The following WDR43 variants were observed in gnomAD, a reference collection of about 807,000 sequenced individuals.
WDR43 encodes WD repeat domain 43.
A neutral mutation model predicts 91.4 loss-of-function variants in WDR43; 13 were observed. That is an observed-to-expected ratio of 0.14 (90% CI 0.09 to 0.23). The LOEUF is 0.23. Among genes scored for constraint, WDR43 ranks in the 10% least tolerant of loss-of-function variants. The pLI is 1.00. For missense variants in WDR43, 780 were observed against 809.4 expected, an observed-to-expected ratio of 0.96 and a Z score of 0.44; for synonymous variants, 331 against 287.9, an observed-to-expected ratio of 1.15 and a Z score of -1.51.
intron 16 of WDR43, among the ~76,000 whole-genome samples, chr2:28,945,771 C>T (rs943509111): frequency 2.6e-5 from 4 of 152,112 alleles, no homozygotes; most frequent in African/African-American, 9.7e-5. Context: ...TTTGTTTTAA[C>T]GTTTGCATGT....
chr2:28,895,073 A>G, intron 1 of WDR43, 150 bp downstream of exon 1: 7 of 742,488 alleles, frequency 9.4e-6, no homozygotes, highest in Non-Finnish European at 1.3e-5. Flanking sequence ...TCAGGGCCCA[A>G]GCCGCCAGCC....
chr2:28,942,179 T>G, intron 15 of WDR43, 133 bp from the exon 16 acceptor site: 2 of 771,678 alleles, frequency 2.6e-6, no homozygotes, highest in Non-Finnish European at 4.4e-6. Flanking sequence ...CTCTGTATTG[T>G]ATGAAGGTCC....
At position 28,929,653 on chromosome 2, in the gene WDR43, T is replaced by C. The variant is rs377270849; in HGVS notation, c.1380T>C (p.Asn460=). The C allele has an allele frequency of 6.2e-7, 1 of 1,613,770 alleles. No homozygotes were observed. Among genetic ancestry groups the C allele is most frequent in the Non-Finnish European group, 8.5e-7 (1 of 1,179,824 alleles). Residue 460 remains asparagine, a synonymous_variant, in exon 11 of 18, where the codon AAT becomes AAC. Coordinates refer to ENST00000407426, the MANE Select transcript of WDR43 (RefSeq NM_015131.3). The part of the protein sequence containing the change: ...HKKGKEDLQT[N]SFPVLLTQGL... ...AAGGAAAGGAAGACCTCCAGACGAATAGCTTTCCAGTTCTTCTTACCCAGG... is the reference window on the plus strand; with the variant it reads ...AAGGAAAGGAAGACCTCCAGACGAACAGCTTTCCAGTTCTTCTTACCCAGG...
chr2:28,906,434 A>ATTT, intron 2 of WDR43, 26 bp from the exon 3 acceptor site: 18 of 1,401,260 alleles, frequency 1.3e-5, no homozygotes, highest in Middle Eastern at 1.9e-4. Flanking sequence ...CCAGCCTTAA[A>ATTT]TTTTTTTTTT....
Position 28,906,598 on chromosome 2 carries a change from G to C in WDR43, c.485+17G>C. The C allele has an allele frequency of 6.2e-7, 1 of 1,608,046 alleles. No homozygotes were observed. Among genetic ancestry groups the C allele is most frequent in the Non-Finnish European group, 8.5e-7 (1 of 1,176,918 alleles). The stretch of plus-strand genomic sequence containing the variant: ...AGTAAAGTGGTGAGTAACATTCATG[G>C]TATCAGGAAATGCAATAGACGTGGA... On this transcript the variant is annotated intron_variant, in intron 3 of 17. Transcript: ENST00000407426.
At chr2:28,898,513 C>G (rs73920396) in intron 1 of WDR43, among the ~76,000 whole-genome samples, 5,813 of 152,128 alleles carry the variant, frequency 0.038, 369 homozygotes, top group African/African-American at 0.13. Context: ...ACATTTTGTT[C>G]ACTGTTATCT....
Position 28,914,137 on chromosome 2 carries a change from C to G in WDR43, c.675C>G (p.Ser225Arg), listed in dbSNP as rs1670860156. Residue 225 changes from serine to arginine, a missense_variant, in exon 5 of 18, where the codon AGC (serine) becomes AGG (arginine). Around this residue, in one of 4 missense-constraint regions of WDR43, gnomAD observed 174 missense variants for 207.3 expected, o/e 0.84. Transcript: ENST00000407426. ...CTACCATCAGACCTCCTAATGAGAG[C>G]CAGCCCTTTGATGGAATTACAGGTC... ...MFTTIRPPNE[S>R]QPFDGITGLY... 3 of 1,613,954 alleles carry G rather than the reference C, an allele frequency of 1.9e-6. No homozygotes were observed. The highest frequency in any genetic ancestry group is 2.5e-6 in the Non-Finnish European group (3 of 1,179,876).
chr2:28,930,735 G>A (rs1671222665), intron 11 of WDR43, among the ~76,000 whole-genome samples: 1 of 152,122 alleles, frequency 6.6e-6, no homozygotes, highest in Non-Finnish European at 1.5e-5. Flanking sequence ...AATGAATCAA[G>A]TACAAATTTT....
intron 8 of WDR43, 49 bp downstream of exon 8, chr2:28,925,202 A>G (rs1671105965): frequency 5.5e-6 from 8 of 1,467,806 alleles, no homozygotes; most frequent in Non-Finnish European, 7.3e-6. Flanking sequence ...CCCTGTGTCC[A>G]TGGAAGAGAG....
chr2:28,930,374 G>A (rs1671217465), intron 11 of WDR43, among the ~76,000 whole-genome samples: 2 of 152,180 alleles, frequency 1.3e-5, no homozygotes, highest in Admixed American at 6.5e-5. Flanking sequence ...AGTACTGCCT[G>A]ATCAGATTAA....
intron 8 of WDR43, among the ~76,000 whole-genome samples, chr2:28,925,463 C>T (rs1381417967): frequency 1.3e-5 from 2 of 152,170 alleles, no homozygotes; most frequent in East Asian, 3.9e-4. Flanking sequence ...ATTTCAAGTG[C>T]TCAGTGCCAC....
chr2:28,906,144 A>G (rs980495466), intron 2 of WDR43, among the ~76,000 whole-genome samples: 1 of 151,860 alleles, frequency 6.6e-6, no homozygotes, highest in Non-Finnish European at 1.5e-5. Flanking sequence ...AAATATATTC[A>G]TTTTCATTTG....
In WDR43 at chr2:28,943,424, C is replaced by T. The variant is rs561532862; in HGVS notation, c.1804+1043C>T. 3.3e-5 allele frequency among the ~76,000 whole-genome samples: 5 copies of T among 152,278 alleles called. No homozygotes were observed. The East Asian group carries it at 9.6e-4, about 29-fold the overall frequency. On this transcript the variant is annotated intron_variant, in intron 16 of 17. Coordinates refer to ENST00000407426, the MANE Select transcript of WDR43 (RefSeq NM_015131.3). ...GTGCTGGGAATAGAAGCATGACCCA[C>T]AACACTGGGCTGTCCTTTTTGTCAT...
chr2:28,929,935 A>G, intron 11 of WDR43: 1 of 588,628 alleles, frequency 1.7e-6, no homozygotes, highest in Non-Finnish European at 3.1e-6. Flanking sequence ...GCATTTTCTC[A>G]TAGAAATACT....
chr2:28,901,999 A>C lies in WDR43; in HGVS notation c.238A>C (p.Arg80=). 6.3e-7 allele frequency: 1 copy of C among 1,591,536 alleles called. No homozygotes were observed. The highest frequency in any genetic ancestry group is 8.5e-7 in the Non-Finnish European group (1 of 1,174,620). The change falls in exon 2 of 18, where the codon AGG becomes CGG. Residue 80 remains arginine, a synonymous_variant. Coordinates refer to ENST00000407426, the MANE Select transcript of WDR43 (RefSeq NM_015131.3). ...TCTTTTTTTCCAGGAAAGTCCCCAG[A>C]GGAAAAAAAGGAAATCAGAAGCTGT... ...ARLQAKESPQ[R]KKRKSEAVGM... is the part of the protein sequence containing the mutation.
intron 8 of WDR43, 140 bp downstream of exon 8, chr2:28,925,293 T>A: frequency 1.1e-6 from 1 of 927,232 alleles, no homozygotes; most frequent in Non-Finnish European, 1.5e-6. Flanking sequence ...ATGGAGTGGT[T>A]TATTTTAATT....
At chr2:28,920,547 T>TTG (rs1476500687) in intron 6 of WDR43, among the ~76,000 whole-genome samples, 5 of 151,914 alleles carry the variant, frequency 3.3e-5, no homozygotes, top group African/African-American at 1.2e-4. Flanking sequence ...AAACCTTTAT[T>TTG]TGTGTGTGTG....
intron 9 of WDR43, 65 bp from the exon 10 acceptor site, chr2:28,927,504 T>C: frequency 1.3e-6 from 2 of 1,566,970 alleles, no homozygotes; most frequent in Non-Finnish European, 1.7e-6. Flanking sequence ...TGTTTTCTCA[T>C]TGAGGATACT....
Position 28,926,544 on chromosome 2 carries a change from C to T in WDR43, c.1163C>T (p.Ala388Val). 1 of 1,592,640 alleles carries T rather than the reference C, an allele frequency of 6.3e-7. No individual in the cohort carries two copies. The highest frequency in any genetic ancestry group is 8.6e-7 in the Non-Finnish European group (1 of 1,168,240). The change falls in exon 9 of 18, where the codon GCT becomes GTT. Residue 388 changes from alanine (A) to valine (V), a missense_variant. This residue lies in a region of WDR43 where 426 missense variants were observed against 467.8 expected (regional missense o/e 0.91). Transcript: ENST00000407426. Reference protein sequence around the residue: ...SNCWAPKVETAITKVRTPVMN... With the variant: ...SNCWAPKVETVITKVRTPVMN... ...TGCTGGGCCCCCAAAGTAGAAACAG[C>T]TATAACAAAGGTGAGCACATTACAA...
Sources: allele counts gnomAD v4.1 joint callset (sites outside exome capture counted in the v4.1 genomes callset), GRCh38; gene constraint gnomAD v4.1.1; regional missense constraint gnomAD v4.1.1; transcripts MANE v1.5; gene names NCBI Gene and HGNC (gene_info 2026-07-23, HGNC 2026-07-21).